Variants in WWOX observed in about 807,000 individuals in gnomAD.
WWOX encodes the protein WW domain-containing oxidoreductase.
In WWOX, 69 loss-of-function variants were observed where a neutral mutation model predicts 46.2. The observed-to-expected ratio is 1.49, with a 90% confidence interval of 1.23 to 1.82. The LOEUF is 1.82. Ranked by LOEUF, WWOX falls within the 40% of genes most tolerant of loss-of-function variation. The pLI, the probability that WWOX is intolerant of heterozygous loss-of-function variation, is 0.00. For synonymous variants in WWOX, 359 were observed against 202.6 expected, an observed-to-expected ratio of 1.77 and a Z score of -6.56; for missense variants, 919 against 542.6, an observed-to-expected ratio of 1.69 and a Z score of -6.89.
chr16:78,104,567 C>T (rs1298509562), intron 1 of WWOX, among the ~76,000 whole-genome samples: 1 of 152,136 alleles, frequency 6.6e-6, no homozygotes, highest in Non-Finnish European at 1.5e-5. Context: ...ATGATGTTCA[C>T]TTAAATTTGA....
intron 5 of WWOX, among the ~76,000 whole-genome samples, chr16:78,356,817 G>C (rs927446691): frequency 6.6e-6 from 1 of 152,162 alleles, no homozygotes; most frequent in Non-Finnish European, 1.5e-5. Context: ...GGGAGGTGGA[G>C]GTTGAAGTGA....
chr16:79,162,323 C>G (rs940871317), intron 8 of WWOX, among the ~76,000 whole-genome samples: 1 of 152,206 alleles, frequency 6.6e-6, no homozygotes, highest in Admixed American at 6.5e-5. Context: ...AGTACAGTTT[C>G]CTGCCTTGCA....
intron 8 of WWOX, among the ~76,000 whole-genome samples, chr16:78,537,031 C>T (rs2043775912): frequency 6.6e-6 from 1 of 151,988 alleles, no homozygotes; most frequent in South Asian, 2.1e-4. Flanking sequence ...ATTATCAGGC[C>T]TCAACGTCCT....
At chr16:78,837,469 G>A (rs747830284) in intron 8 of WWOX, among the ~76,000 whole-genome samples, 2 of 152,190 alleles carry the variant, frequency 1.3e-5, no homozygotes, top group Admixed American at 6.5e-5. Context: ...AAATATGGAT[G>A]TCACTTATAA....
intron 8 of WWOX, among the ~76,000 whole-genome samples, chr16:79,193,238 G>A (rs939383581): frequency 6.6e-6 from 1 of 152,154 alleles, no homozygotes; most frequent in African/African-American, 2.4e-5. Context: ...CTGCATACAA[G>A]TTGCTTACCC....
At chr16:78,563,529 TTTTC>T (rs1597273004) in intron 8 of WWOX, among the ~76,000 whole-genome samples, 1 of 150,804 alleles carries the variant, frequency 6.6e-6, no homozygotes, top group Admixed American at 6.6e-5. Flanking sequence ...TTTTTTTTTT[TTTTC>T]TTTTTTTTTT....
rs2047102334 is a variant in WWOX, at chr16:79,001,996, G to A, written c.1057-209612G>A. Among the ~76,000 whole-genome samples the A allele has an allele frequency of 4.6e-5, 7 of 152,206 alleles. No homozygotes were observed. In the South Asian group the frequency reaches 1.5e-3, roughly 32 times the overall value. On this transcript the variant is annotated intron_variant, in intron 8 of 8. Transcript: ENST00000566780. ...GAAAATCAGGGGCAGAGGACAGAGG[G>A]TGTGATTAGGGGTCTGGGGTAACCA...
At chr16:79,110,417 G>A (rs1418319353) in intron 8 of WWOX, among the ~76,000 whole-genome samples, 2 of 152,142 alleles carry the variant, frequency 1.3e-5, no homozygotes, top group Non-Finnish European at 2.9e-5. Context: ...CTGAGCCCAA[G>A]GAGCAAGTTG....
chr16:78,635,948 G>T (rs1265191744), intron 8 of WWOX, among the ~76,000 whole-genome samples: 1 of 152,170 alleles, frequency 6.6e-6, no homozygotes, highest in East Asian at 1.9e-4. Context: ...CACTGTGGAA[G>T]TACAGAGGAA....
At chr16:78,423,711 T>A (rs1170691429) in intron 6 of WWOX, among the ~76,000 whole-genome samples, 4 of 151,632 alleles carry the variant, frequency 2.6e-5, no homozygotes, top group Non-Finnish European at 5.9e-5. Flanking sequence ...CCATGCATGG[T>A]GGTGTGCCCC....
At chr16:78,900,270 A>G (rs2044797513) in intron 8 of WWOX, among the ~76,000 whole-genome samples, 1 of 152,078 alleles carries the variant, frequency 6.6e-6, no homozygotes, top group Non-Finnish European at 1.5e-5. Flanking sequence ...CAGACACTGA[A>G]GGGGAAAGTT....
intron 6 of WWOX, among the ~76,000 whole-genome samples, chr16:78,418,188 G>A (rs572717377): frequency 1.2e-4 from 19 of 152,006 alleles, no homozygotes; most frequent in African/African-American, 3.6e-4. Context: ...GTGAAACCCC[G>A]TCTCTACTAA....
Position 79,035,192 on chromosome 16 carries a change from G to A in WWOX, c.1057-176416G>A, listed in dbSNP as rs191869245. 7.4e-3 allele frequency among the ~76,000 whole-genome samples: 1,133 copies of A among 152,228 alleles called. 21 individuals are homozygous for A. The highest frequency in any genetic ancestry group is 0.026 in the African/African-American group (1,073 of 41,522). ...TGCATGTGCCACTTTAATTTCCCTA[G>A]GCAACACTAGCTAGTGGCCCACAAT... is the stretch of plus-strand genomic sequence containing the variant. On this transcript the variant is annotated intron_variant, in intron 8 of 8. Coordinates refer to ENST00000566780, the MANE Select transcript of WWOX (RefSeq NM_016373.4).
At chr16:78,188,247 T>C (rs926069033) in intron 5 of WWOX, among the ~76,000 whole-genome samples, 1 of 152,086 alleles carries the variant, frequency 6.6e-6, no homozygotes, top group African/African-American at 2.4e-5. Flanking sequence ...CCCAGCACTT[T>C]GGGAGGCCGA....
intron 5 of WWOX, among the ~76,000 whole-genome samples, chr16:78,281,728 C>T (rs892593981): frequency 3.3e-5 from 5 of 152,046 alleles, no homozygotes; most frequent in African/African-American, 1.2e-4. Flanking sequence ...TTCTTTCCCC[C>T]CCGCCCCCAA....
At chr16:78,765,954 G>A (rs9939046) in intron 8 of WWOX, among the ~76,000 whole-genome samples, 1,613 of 152,286 alleles carry the variant, frequency 0.011, 22 homozygotes, top group African/African-American at 0.025. Flanking sequence ...GATCCCAGTG[G>A]CTTGAAAGTA....
chr16:78,857,155 G>A (rs1160726399), intron 8 of WWOX, among the ~76,000 whole-genome samples: 1 of 152,168 alleles, frequency 6.6e-6, no homozygotes, highest in African/African-American at 2.4e-5. Flanking sequence ...TCTCACATAT[G>A]CAAAGAGTTT....
intron 8 of WWOX, among the ~76,000 whole-genome samples, chr16:78,521,341 C>T (rs973718996): frequency 5.3e-5 from 8 of 152,046 alleles, no homozygotes; most frequent in African/African-American, 1.9e-4. Flanking sequence ...AAGGTATGAG[C>T]CACCAAGCCT....
At chr16:78,179,310 G>A (rs2151751370) in intron 5 of WWOX, among the ~76,000 whole-genome samples, 1 of 152,216 alleles carries the variant, frequency 6.6e-6, no homozygotes, top group African/African-American at 2.4e-5. Context: ...TTGTCCTTCT[G>A]GAAAGAGTTA....
Sources: gnomAD v4.1 joint callset for allele counts (sites outside exome capture counted in the v4.1 genomes callset) on GRCh38, gnomAD v4.1.1 for gene constraint, MANE v1.5 for transcripts, NCBI Gene and HGNC (gene_info 2026-07-23, HGNC 2026-07-21) for gene names.